The following ZFHX3 variants were observed in gnomAD, a reference collection of about 807,000 sequenced individuals.
ZFHX3 encodes the protein zinc finger homeobox 3.
In ZFHX3, 42 loss-of-function variants were observed where a neutral mutation model predicts 279.1. The ratio of observed to expected loss-of-function variants is 0.15; its 90% confidence interval spans 0.12 to 0.19. The LOEUF (loss-of-function observed/expected upper bound fraction) is 0.19, where lower values mean the gene tolerates loss of function less well. Ranked by LOEUF, ZFHX3 falls within the 10% of genes least tolerant of loss-of-function variation. The probability of loss-of-function intolerance (pLI) is 1.00; values close to 1 mark genes in which losing one functional copy is unlikely to be tolerated. For missense variants in ZFHX3, 4,981 were observed against 4,754.0 expected (o/e 1.05, Z -1.40); for synonymous variants, 2,293 against 1,957.8 (o/e 1.17, Z -4.52).
In ZFHX3 at chr16:72,876,371, C is replaced by T. The variant is rs138799730; in HGVS notation, c.3448+13360G>A. ...CATTCAGTTTCATGAAAGCTCTGAG[C>T]TCCCACAAGTGTCTGCTGGAACTGG... On this transcript the variant is annotated intron_variant, in intron 4 of 9. Coordinates refer to ENST00000268489, the MANE Select transcript of ZFHX3 (RefSeq NM_006885.4). 3.0e-4 allele frequency among the ~76,000 whole-genome samples: 46 copies of T among 152,242 alleles called. No homozygotes were observed. The East Asian group carries it at 6.8e-3, about 22-fold the overall frequency.
chr16:73,864,656 G>T (rs954419996), intron 1 of ZFHX3, among the ~76,000 whole-genome samples: 3 of 152,100 alleles, frequency 2.0e-5, no homozygotes, highest in Non-Finnish European at 2.9e-5. Flanking sequence ...GAGGGTGGAG[G>T]TTGCAGTGAG....
rs1477537746 is a variant in ZFHX3 at position 72,785,444 on chromosome 16, T to TAAC, written c.*1717_*1719dup. On this transcript the variant is annotated 3_prime_UTR_variant, in exon 10 of 10. Coordinates refer to ENST00000268489, the MANE Select transcript of ZFHX3 (RefSeq NM_006885.4). ...GTCTTTTGGTATATGGAATTGTCAT[T>TAAC]AACATTTGCCTCTCTGCTTGCAGAA... The TAAC allele has an allele frequency of 6.5e-6, 1 of 152,672 alleles. No individual in the cohort carries two copies. The highest frequency in any genetic ancestry group is 2.4e-5 in the African/African-American group (1 of 41,456). 9.5% of individuals were successfully genotyped at this position (152,672 alleles called of 1,614,324 possible).
intron 1 of ZFHX3, among the ~76,000 whole-genome samples, chr16:73,889,906 T>A (rs921390397): frequency 6.6e-6 from 1 of 152,204 alleles, no homozygotes; most frequent in Non-Finnish European, 1.5e-5. Flanking sequence ...CCATTTAAAG[T>A]CCTTAACAAT....
chr16:73,034,220 A>G (rs117606312), intron 1 of ZFHX3, among the ~76,000 whole-genome samples: 3,542 of 152,094 alleles, frequency 0.023, 66 homozygotes, highest in East Asian at 0.08. Flanking sequence ...TCCTCCTCCA[A>G]TGGGAGACGC....
chr16:73,753,523 G>A (rs1296015989), intron 1 of ZFHX3, among the ~76,000 whole-genome samples: 1 of 152,166 alleles, frequency 6.6e-6, no homozygotes, highest in East Asian at 1.9e-4. Flanking sequence ...AATTAAAAGT[G>A]GGTTTAAGTG....
At chr16:72,872,473 T>C (rs553736956) in intron 4 of ZFHX3, among the ~76,000 whole-genome samples, 3 of 152,340 alleles carry the variant, frequency 2.0e-5, no homozygotes, top group Non-Finnish European at 4.4e-5. Context: ...TTTTGCTTTT[T>C]TTGAGACAGA....
In ZFHX3 at chr16:73,162,269, T is replaced by C. The variant is rs144993405; in HGVS notation, c.-1103-18438A>G. ...GCCAGACTGCAGTGGTATTGGATTG[T>C]TATAGCAGCACAAACCCTACTGTGA... is the stretch of plus-strand genomic sequence containing the variant. On this transcript the variant is annotated intron_variant, in intron 5 of 17. Coordinates refer to the ZFHX3 transcript ENST00000641206. Among the ~76,000 whole-genome samples, 4 of 152,324 alleles carry C rather than the reference T, an allele frequency of 2.6e-5. No individual in the cohort carries two copies. The East Asian group carries it at 7.7e-4, about 29-fold the overall frequency.
intron 4 of ZFHX3, among the ~76,000 whole-genome samples, chr16:72,841,175 A>G (rs1380593914): frequency 6.6e-6 from 1 of 152,210 alleles, no homozygotes. Context: ...GCCAGACCCA[A>G]GACATTTCAA....
chr16:73,267,942 G>T (rs28718977), intron 4 of ZFHX3, among the ~76,000 whole-genome samples: 2,877 of 152,168 alleles, frequency 0.019, 63 homozygotes, highest in African/African-American at 0.053. Flanking sequence ...CCTCATCACC[G>T]CCTCTCAGTG....
chr16:72,907,757 C>T (rs2039219519), intron 3 of ZFHX3, among the ~76,000 whole-genome samples: 1 of 151,178 alleles, frequency 6.6e-6, no homozygotes, highest in Middle Eastern at 3.2e-3. Flanking sequence ...GATCTCGGCT[C>T]ACTGCTACCT....
At chr16:73,286,699 G>GTGTGAA (rs1333893829) in intron 4 of ZFHX3, among the ~76,000 whole-genome samples, 1 of 151,346 alleles carries the variant, frequency 6.6e-6, no homozygotes, top group African/African-American at 2.4e-5. Flanking sequence ...GTGAGTGTGA[G>GTGTGAA]TGTGTGGGTG....
At chr16:73,282,726 G>T (rs1284793465) in intron 4 of ZFHX3, among the ~76,000 whole-genome samples, 1 of 152,102 alleles carries the variant, frequency 6.6e-6, no homozygotes, top group African/African-American at 2.4e-5. Flanking sequence ...TAACTTTGCA[G>T]TCTTTCTTTT....
At chr16:73,227,848 C>CAAAAAAAAAAAAAAA (rs398029895) in intron 5 of ZFHX3, among the ~76,000 whole-genome samples, 1 of 46,062 alleles carries the variant, frequency 2.2e-5, no homozygotes, top group Non-Finnish European at 3.5e-5. Flanking sequence ...GATTCTGTCT[C>CAAAAAAAAAAAAAAA]AAAAAAAAAA....
intron 1 of ZFHX3, among the ~76,000 whole-genome samples, chr16:72,997,574 T>C (rs1963343133): frequency 6.6e-6 from 1 of 152,112 alleles, no homozygotes; most frequent in African/African-American, 2.4e-5. Flanking sequence ...TAAGGTGGGG[T>C]AATCTGAAAA....
chr16:73,654,758 A>T (rs1249837599), intron 2 of ZFHX3, among the ~76,000 whole-genome samples: 1 of 151,706 alleles, frequency 6.6e-6, no homozygotes, highest in African/African-American at 2.4e-5. Context: ...GTGTAAACTC[A>T]TTTTTACTAA....
chr16:73,071,536 C>T (rs1567657198), intron 8 of ZFHX3, among the ~76,000 whole-genome samples: 1 of 152,152 alleles, frequency 6.6e-6, no homozygotes, highest in Non-Finnish European at 1.5e-5. Flanking sequence ...GGGGAGGCTG[C>T]TCAGCATCCT....
chr16:73,399,022 GC>G (rs1304619733), intron 3 of ZFHX3, among the ~76,000 whole-genome samples: 2 of 141,184 alleles, frequency 1.4e-5, no homozygotes, highest in East Asian at 2.1e-4. Flanking sequence ...GCACCACCAT[GC>G]CCCCCGCTAA....
intron 2 of ZFHX3, among the ~76,000 whole-genome samples, chr16:73,540,805 C>T (rs2019997763): frequency 1.3e-5 from 2 of 152,220 alleles, no homozygotes; most frequent in Admixed American, 6.5e-5. Flanking sequence ...CACTCTCACG[C>T]AAAGCCATCA....
intron 3 of ZFHX3, among the ~76,000 whole-genome samples, chr16:73,408,895 G>T (rs1485054649): frequency 1.3e-5 from 2 of 151,984 alleles, no homozygotes; most frequent in Admixed American, 6.6e-5. Flanking sequence ...TTCCAGACCT[G>T]CTCAAACTTT....
Sources: gnomAD v4.1 joint callset for allele counts (sites outside exome capture counted in the v4.1 genomes callset) on GRCh38, gnomAD v4.1.1 for gene constraint, MANE v1.5 for transcripts, NCBI Gene and HGNC (gene_info 2026-07-23, HGNC 2026-07-21) for gene names.